Variants in LTB4R2 observed in about 807,000 individuals in gnomAD.
LTB4R2 encodes the protein leukotriene B4 receptor 2.
A neutral mutation model predicts 5.3 loss-of-function variants in LTB4R2; 6 were observed. The ratio of observed to expected loss-of-function variants is 1.14; its 90% CI spans 0.62 to 2.24. The LOEUF (loss-of-function observed/expected upper bound fraction) is 2.24, where lower values mean the gene tolerates loss of function less well. Among genes scored for constraint, LTB4R2 ranks in the 30% most tolerant of loss-of-function variants. The probability of loss-of-function intolerance (pLI) is 0.00; values close to 1 mark genes in which losing one functional copy is unlikely to be tolerated. For synonymous variants in LTB4R2, 310 were observed against 264.2 expected (o/e 1.17, Z -1.68); for missense variants, 560 against 521.5 (o/e 1.07, Z -0.72).
rs779705004 is a variant in LTB4R2, at chr14:24,311,120, C to A, written c.456C>A (p.Leu152=). ...CGGTCTGGCTGGCCGCCCTGTTGCT[C>A]GCCGTCCCGGCCGCCGTCTACCGCC... The part of the protein sequence containing the change: ...LLAVWLAALL[L]AVPAAVYRHL... The change falls in exon 2 of 2, where the codon CTC becomes CTA. Residue 152 remains leucine, a synonymous_variant. Coordinates refer to ENST00000533293, the MANE Select transcript of LTB4R2 (RefSeq NM_019839.5). 1 of 1,578,898 alleles carries A rather than the reference C, an allele frequency of 6.3e-7. No individual in the cohort carries two copies. Among genetic ancestry groups the A allele is most frequent in the Non-Finnish European group, 8.6e-7 (1 of 1,168,716 alleles).
Position 24,310,247 on chromosome 14 carries a change from C to G in LTB4R2, c.-19C>G. 1 of 501,432 alleles carries G rather than the reference C, an allele frequency of 2.0e-6. No homozygotes were observed. The highest frequency in any genetic ancestry group is 3.6e-6 in the Non-Finnish European group (1 of 280,898). The allele number at this position is 501,432 out of a possible 1,614,324, so 31.1% of individuals were successfully genotyped here. ...CTCCAGGCCCCCAATCCTGCTTGCT[C>G]CCAGCTTGGTAAGTAGATCTGTGCA... On this transcript the variant is annotated 5_prime_UTR_variant, in exon 1 of 2. Coordinates refer to ENST00000533293, the MANE Select transcript of LTB4R2 (RefSeq NM_019839.5).
In LTB4R2 at chr14:24,311,261, C is replaced by T. The variant is rs113326269; in HGVS notation, c.597C>T (p.Gly199=). Reference sequence around the variant, plus strand: ...TGCTTCCTTTCGGGCTGATGCTCGGCTGCTACAGCGTGACGCTGGCACGGC... The same window carrying T: ...TGCTTCCTTTCGGGCTGATGCTCGGTTGCTACAGCGTGACGCTGGCACGGC... ...AFVLPFGLML[G]CYSVTLARLR... The change falls in exon 2 of 2, where the codon GGC becomes GGT. Residue 199 remains glycine, a synonymous_variant. Coordinates refer to ENST00000533293, the MANE Select transcript of LTB4R2 (RefSeq NM_019839.5). The T allele has an allele frequency of 1.3e-5, 21 of 1,603,814 alleles. 1 individual carries two copies. In the African/African-American group the frequency reaches 1.3e-4, roughly 10 times the overall value.
Sources: gnomAD v4.1 joint callset for allele counts on GRCh38, gnomAD v4.1.1 for gene constraint, MANE v1.5 for transcripts, NCBI Gene and HGNC (gene_info 2026-07-23, HGNC 2026-07-21) for gene names.